ZNF608: variants seen among roughly 807,000 people sequenced by gnomAD.
ZNF608 encodes zinc finger protein 608, also known as renal carcinoma antigen NY-REN-36.
Under a neutral mutation model 109.0 loss-of-function variants are expected in ZNF608, and 12 were observed. That is an observed-to-expected ratio of 0.11 (90% confidence interval 0.07 to 0.18). The LOEUF (loss-of-function observed/expected upper bound fraction) is 0.18. Ranked by LOEUF, ZNF608 falls within the 10% of genes least tolerant of loss-of-function variation. The pLI, the probability that ZNF608 is intolerant of heterozygous loss-of-function variation, is 1.00. For missense variants in ZNF608, 1,707 were observed against 1,879.3 expected (o/e 0.91, Z 1.70); for synonymous variants, 732 against 717.4 (o/e 1.02, Z -0.33).
chr5:124,694,063 C>T (rs1370303268), intron 3 of ZNF608, among the ~76,000 whole-genome samples: 2 of 139,098 alleles, frequency 1.4e-5, no homozygotes, highest in African/African-American at 5.3e-5. Flanking sequence ...GCAAGCTCTG[C>T]CTCCCGGTTT....
intron 2 of ZNF608, chr5:124,735,299 G>C (rs1382817096): frequency 6.6e-6 from 1 of 152,216 alleles, no homozygotes; most frequent in Non-Finnish European, 1.5e-5. Context: ...AAGGCGTCGT[G>C]AAGAGCTGAC....
intron 3 of ZNF608, among the ~76,000 whole-genome samples, chr5:124,690,693 A>G (rs964045489): frequency 1.4e-5 from 2 of 142,556 alleles, no homozygotes; most frequent in Non-Finnish European, 3.1e-5. Flanking sequence ...ACAAAAACAC[A>G]AACAAAAAAA....
chr5:124,639,947 G>A (rs1750163146), intron 8 of ZNF608, among the ~76,000 whole-genome samples: 1 of 152,050 alleles, frequency 6.6e-6, no homozygotes. Context: ...AGAGACAATT[G>A]TTTTCTTCTC....
At chr5:124,679,897 T>C (rs567898210) in intron 3 of ZNF608, among the ~76,000 whole-genome samples, 1 of 152,310 alleles carries the variant, frequency 6.6e-6, no homozygotes, top group South Asian at 2.1e-4. Flanking sequence ...CTTTGATTCT[T>C]AGAAGTGCAG....
intron 3 of ZNF608, 80 bp from the exon 4 acceptor site, chr5:124,649,777 C>G (rs1750699185): frequency 1.1e-6 from 1 of 875,998 alleles, no homozygotes; most frequent in African/African-American, 2.5e-5. Flanking sequence ...ATTTTTTTCT[C>G]TTTTTTTTGC....
intron 3 of ZNF608, among the ~76,000 whole-genome samples, chr5:124,652,713 T>A (rs11956073): frequency 0.22 from 32,879 of 152,212 alleles, 3,964 homozygotes; most frequent in African/African-American, 0.33. Flanking sequence ...GTTCTAAAAC[T>A]TGTAAATGAT....
At chr5:124,719,791 T>C (rs908913551) in intron 2 of ZNF608, among the ~76,000 whole-genome samples, 1 of 152,036 alleles carries the variant, frequency 6.6e-6, no homozygotes, top group Non-Finnish European at 1.5e-5. Context: ...GGAGAGAGAG[T>C]CCATACATGC....
Position 124,644,363 on chromosome 5 carries a change from G to C in ZNF608, c.4004C>G (p.Pro1335Arg). The change falls in exon 6 of 10, where the codon CCC (proline) becomes CGC (arginine). Residue 1335 changes from proline (P) to arginine (R), a missense_variant. Transcript: ENST00000513986. ...SRGTRVAVSS[P>R]MSQHQSYIQY... is the part of the protein sequence containing the mutation. ...TATGTATGACTGATGCTGACTCATG[G>C]GTGAGGAGACAGCCACTCTTGTTCC... The C allele has an allele frequency of 6.2e-7, 1 of 1,614,120 alleles. No individual in the cohort carries two copies. The highest frequency in any genetic ancestry group is 8.5e-7 in the Non-Finnish European group (1 of 1,180,016).
intron 3 of ZNF608, among the ~76,000 whole-genome samples, chr5:124,650,268 C>T (rs1271272373): frequency 6.6e-6 from 1 of 152,200 alleles, no homozygotes; most frequent in East Asian, 1.9e-4. Flanking sequence ...TTTCACTTCC[C>T]TAATCCTCCC....
At chr5:124,657,800 T>C (rs919311228) in intron 3 of ZNF608, among the ~76,000 whole-genome samples, 5 of 152,228 alleles carry the variant, frequency 3.3e-5, no homozygotes, top group South Asian at 2.1e-4. Context: ...AGTGTCCTAG[T>C]TACAAAATGT....
intron 2 of ZNF608, among the ~76,000 whole-genome samples, chr5:124,730,221 C>T (rs1229129952): frequency 2.6e-5 from 4 of 152,164 alleles, no homozygotes. Context: ...ACACTGGCAA[C>T]AATGTGATTT....
At chr5:124,650,467 C>T (rs1471160330) in intron 3 of ZNF608, among the ~76,000 whole-genome samples, 3 of 152,216 alleles carry the variant, frequency 2.0e-5, no homozygotes, top group Non-Finnish European at 2.9e-5. Flanking sequence ...GAAAAGAAAT[C>T]TCAAAACTAA....
intron 2 of ZNF608, among the ~76,000 whole-genome samples, chr5:124,713,341 A>G (rs765913252): frequency 1.2e-4 from 19 of 152,192 alleles, no homozygotes; most frequent in Non-Finnish European, 1.8e-4. Flanking sequence ...AGGTCACCAA[A>G]TGATGGCCCA....
intron 3 of ZNF608, among the ~76,000 whole-genome samples, chr5:124,696,344 G>C (rs1219588733): frequency 6.6e-6 from 1 of 152,104 alleles, no homozygotes; most frequent in Non-Finnish European, 1.5e-5. Flanking sequence ...CTCACACCAG[G>C]TGCTGAGTCT....
At chr5:124,743,081 T>A (rs1317605945) in intron 2 of ZNF608, among the ~76,000 whole-genome samples, 1 of 152,204 alleles carries the variant, frequency 6.6e-6, no homozygotes, top group Non-Finnish European at 1.5e-5. Context: ...CAATGTGGTC[T>A]ATGACTAAGC....
chr5:124,682,216 G>A (rs1752227941), intron 3 of ZNF608, among the ~76,000 whole-genome samples: 1 of 152,178 alleles, frequency 6.6e-6, no homozygotes, highest in Non-Finnish European at 1.5e-5. Flanking sequence ...GGGCTTACAA[G>A]CGCCTGCTAC....
chr5:124,702,417 A>AT (rs147259312), intron 2 of ZNF608, among the ~76,000 whole-genome samples: 2 of 41,178 alleles, frequency 4.9e-5, no homozygotes, highest in Non-Finnish European at 5.4e-5. Context: ...GTAAAATATT[A>AT]TCTTATTCTG....
intron 2 of ZNF608, among the ~76,000 whole-genome samples, chr5:124,727,661 A>AT (rs1404530227): frequency 1.3e-5 from 2 of 149,744 alleles, no homozygotes; most frequent in East Asian, 1.9e-4. Context: ...CCAAAAAAAA[A>AT]AAAAAAAAAC....
At chr5:124,735,304 G>A (rs1030782779) in intron 2 of ZNF608, 2 of 152,240 alleles carry the variant, frequency 1.3e-5, no homozygotes, top group Non-Finnish European at 2.9e-5. Flanking sequence ...GTCGTGAAGA[G>A]CTGACAGATT....
Sources: gnomAD v4.1 joint callset for allele counts (sites outside exome capture counted in the v4.1 genomes callset) on GRCh38, gnomAD v4.1.1 for gene constraint, MANE v1.5 for transcripts, NCBI Gene and HGNC (gene_info 2026-07-23, HGNC 2026-07-21) for gene names.